BABAM2: variants seen among roughly 807,000 people sequenced by gnomAD.
BABAM2 encodes the protein BRISC and BRCA1-A complex member 2.
A neutral mutation model predicts 54.7 loss-of-function variants in BABAM2; 31 were observed. That is an observed-to-expected ratio of 0.57 (90% confidence interval 0.43 to 0.77). The LOEUF (loss-of-function observed/expected upper bound fraction) is 0.77. BABAM2 is among the 30% of genes least tolerant of loss of function. The pLI, the probability that BABAM2 is intolerant of heterozygous loss-of-function variation, is 0.00. For synonymous variants in BABAM2, 167 were observed against 162.9 expected, an observed-to-expected ratio of 1.03 and a Z score of -0.19; for missense variants, 364 against 455.8, an observed-to-expected ratio of 0.80 and a Z score of 1.83.
intron 4 of BABAM2, among the ~76,000 whole-genome samples, chr2:27,998,642 T>G (rs1190925180): frequency 6.6e-6 from 1 of 152,212 alleles, no homozygotes; most frequent in Non-Finnish European, 1.5e-5. Flanking sequence ...TCTTTATTTT[T>G]GTTTGTTACT....
chr2:28,079,350 GA>G lies in BABAM2; in HGVS notation c.570+33558del, dbSNP rs565084783. The stretch of plus-strand genomic sequence containing the variant: ...AGTGATTAGACTATTTCATCTAAGG[GA>G]AAAAAACCAAACTCTTGCACATATT... On this transcript the variant is annotated intron_variant, in intron 6 of 11. Transcript: ENST00000379624. Among the ~76,000 whole-genome samples the G allele has an allele frequency of 3.3e-4, 50 of 152,098 alleles. 1 individual carries two copies. The highest frequency in any genetic ancestry group is 1.7e-3 in the South Asian group (8 of 4,818).
At position 28,298,447 on chromosome 2, in the gene BABAM2, G is replaced by A. The variant is rs753865600; in HGVS notation, c.1044G>A (p.Pro348=). 2.9e-5 allele frequency: 46 copies of A among 1,613,954 alleles called. No homozygotes were observed. The highest frequency in any genetic ancestry group is 1.6e-4 in the Middle Eastern group (1 of 6,084). ...QLYSQAQKNY[P]YSPRWDGNEM... ...ACTCCCAGGCCCAAAAAAATTATCCGTACAGCCCCAGATGGGATGGAAATG... is the reference window on the plus strand; with the variant it reads ...ACTCCCAGGCCCAAAAAAATTATCCATACAGCCCCAGATGGGATGGAAATG... Residue 348 remains proline (P), a synonymous_variant, in exon 11 of 12, where the codon CCG becomes CCA. Coordinates refer to ENST00000379624, the MANE Select transcript of BABAM2 (RefSeq NM_199191.3).
rs1311342865 is a variant in BABAM2, at chr2:28,256,229, A to G, written c.934+11367A>G. Among the ~76,000 whole-genome samples the G allele has an allele frequency of 2.6e-5, 4 of 152,222 alleles. No individual in the cohort carries two copies. In the East Asian group the frequency reaches 7.7e-4, roughly 29 times the overall value. On this transcript the variant is annotated intron_variant, in intron 10 of 11. Transcript: ENST00000379624. ...ATAGTAATATCCAGTAGCATATCTAATAACCACCATAATTTTGAAATAGTG... is the reference window on the plus strand; with the variant it reads ...ATAGTAATATCCAGTAGCATATCTAGTAACCACCATAATTTTGAAATAGTG...
At chr2:28,010,450 G>A (rs1558654733) in intron 4 of BABAM2, among the ~76,000 whole-genome samples, 1 of 151,888 alleles carries the variant, frequency 6.6e-6, no homozygotes, top group Non-Finnish European at 1.5e-5. Flanking sequence ...TTTGTCTCTG[G>A]CAGAAAACCC....
chr2:28,128,458 A>G (rs763629491), intron 6 of BABAM2, among the ~76,000 whole-genome samples: 3 of 152,246 alleles, frequency 2.0e-5, no homozygotes, highest in Non-Finnish European at 4.4e-5. Context: ...ATCATAAAGC[A>G]CATGCACATA....
intron 7 of BABAM2, among the ~76,000 whole-genome samples, chr2:28,199,716 C>T (rs1436097659): frequency 6.6e-6 from 1 of 152,004 alleles, no homozygotes; most frequent in Non-Finnish European, 1.5e-5. Context: ...TGGTCCAGGG[C>T]CAATAGATTG....
At chr2:28,243,311 A>G (rs1453885696) in intron 9 of BABAM2, among the ~76,000 whole-genome samples, 2 of 152,218 alleles carry the variant, frequency 1.3e-5, no homozygotes, top group East Asian at 1.9e-4. Context: ...AGGCGGGCGG[A>G]TCATGAGGTC....
intron 1 of BABAM2, 128 bp from the exon 2 acceptor site, chr2:27,894,405 G>A (rs968417279): frequency 4.7e-5 from 43 of 924,212 alleles, no homozygotes; most frequent in South Asian, 4.5e-4. Context: ...AAGAGGCTGC[G>A]CTAGAGATGG....
At chr2:28,299,304 A>G (rs1687932688) in intron 11 of BABAM2, among the ~76,000 whole-genome samples, 2 of 152,254 alleles carry the variant, frequency 1.3e-5, no homozygotes, top group Admixed American at 1.3e-4. Context: ...TCAGTCATAC[A>G]GAATAGGTAA....
At chr2:27,998,269 A>G (rs897601060) in intron 4 of BABAM2, among the ~76,000 whole-genome samples, 7 of 152,006 alleles carry the variant, frequency 4.6e-5, no homozygotes, top group Non-Finnish European at 1.0e-4. Context: ...TCTTCTCTCC[A>G]TCACTCCCTT....
intron 5 of BABAM2, among the ~76,000 whole-genome samples, chr2:28,041,222 C>T (rs547559076): frequency 2.0e-5 from 3 of 152,204 alleles, no homozygotes; most frequent in East Asian, 1.9e-4. Context: ...TATATACACA[C>T]CTCTGAGTTT....
chr2:28,039,007 TTAAG>T (rs1676874025), intron 5 of BABAM2, among the ~76,000 whole-genome samples: 1 of 152,182 alleles, frequency 6.6e-6, no homozygotes, highest in South Asian at 2.1e-4. Flanking sequence ...CTAACAGTGT[TTAAG>T]TATTCCCATT....
Position 28,239,212 on chromosome 2 carries a change from T to A in BABAM2, c.780+1911T>A, listed in dbSNP as rs553033732. On this transcript the variant is annotated intron_variant, in intron 8 of 11. Coordinates refer to ENST00000379624, the MANE Select transcript of BABAM2 (RefSeq NM_199191.3). ...TTAAGCCTGCAAAGTAAGCACTGTT[T>A]TTATAAATTGACATAAACCCCTATT... Among the ~76,000 whole-genome samples the A allele has an allele frequency of 3.9e-5, 6 of 152,364 alleles. No homozygotes were observed. The South Asian group carries it at 8.3e-4, about 21-fold the overall frequency.
At chr2:28,008,649 A>C (rs1674147148) in intron 4 of BABAM2, among the ~76,000 whole-genome samples, 1 of 152,208 alleles carries the variant, frequency 6.6e-6, no homozygotes, top group Non-Finnish European at 1.5e-5. Context: ...TGATTTAAAA[A>C]TTAAACACAA....
intron 6 of BABAM2, among the ~76,000 whole-genome samples, chr2:28,070,556 C>CTTTTTTTTTTTTTT (rs35933472): frequency 1.6e-4 from 24 of 147,294 alleles, no homozygotes; most frequent in African/African-American, 5.7e-4. Flanking sequence ...CTTTTCTTTT[C>CTTTTTTTTTTTTTT]TTTTTTTTTT....
intron 6 of BABAM2, among the ~76,000 whole-genome samples, chr2:28,051,434 G>T (rs764348586): frequency 5.9e-5 from 9 of 152,172 alleles, no homozygotes; most frequent in Non-Finnish European, 2.9e-5. Context: ...TGGAGGTATT[G>T]ACAGAATATC....
At chr2:27,899,199 G>A (rs763081945) in intron 2 of BABAM2, among the ~76,000 whole-genome samples, 3 of 152,168 alleles carry the variant, frequency 2.0e-5, no homozygotes, top group Non-Finnish European at 4.4e-5. Flanking sequence ...TTTTTAGCAT[G>A]TCACAGACAT....
intron 4 of BABAM2, among the ~76,000 whole-genome samples, chr2:28,016,878 C>T (rs1312030419): frequency 6.6e-6 from 1 of 152,176 alleles, no homozygotes; most frequent in African/African-American, 2.4e-5. Context: ...AACAAAATCC[C>T]AAAATATAAT....
At chr2:28,058,336 A>C (rs558487467) in intron 6 of BABAM2, among the ~76,000 whole-genome samples, 1 of 152,152 alleles carries the variant, frequency 6.6e-6, no homozygotes, top group African/African-American at 2.4e-5. Flanking sequence ...AATTTTAATC[A>C]TTATTTTTGA....
Sources: gnomAD v4.1 joint callset for allele counts (sites outside exome capture counted in the v4.1 genomes callset) on GRCh38, gnomAD v4.1.1 for gene constraint, MANE v1.5 for transcripts, NCBI Gene and HGNC (gene_info 2026-07-23, HGNC 2026-07-21) for gene names.